SCHIP1: variants seen among roughly 807,000 people sequenced by gnomAD.
The protein encoded by SCHIP1 is schwannomin-interacting protein 1.
SCHIP1 carries 8 observed loss-of-function variants against 29.7 expected under a neutral mutation model. The observed-to-expected ratio is 0.27, with a 90% CI of 0.16 to 0.49. The LOEUF (loss-of-function observed/expected upper bound fraction) is 0.49, where lower values mean the gene tolerates loss of function less well. Among genes scored for constraint, SCHIP1 ranks in the 20% least tolerant of loss-of-function variants. The probability of loss-of-function intolerance (pLI) is 0.99; values close to 1 mark genes in which losing one functional copy is unlikely to be tolerated. For missense variants in SCHIP1, 193 were observed against 294.6 expected, an observed-to-expected ratio of 0.66 and a Z score of 2.52; for synonymous variants, 76 against 94.9, an observed-to-expected ratio of 0.80 and a Z score of 1.16.
chr3:159,423,511 G>A, the SCHIP1 span, among the ~76,000 whole-genome samples: 4 of 152,200 alleles, frequency 2.6e-5, no homozygotes, highest in Non-Finnish European at 5.9e-5. Context: ...GGGGAGGGGC[G>A]CCTGCCATTG....
the SCHIP1 span, among the ~76,000 whole-genome samples, chr3:159,511,504 A>G: frequency 3.3e-5 from 5 of 152,172 alleles, no homozygotes; most frequent in Non-Finnish European, 7.3e-5. Flanking sequence ...AGCCCCAGTG[A>G]GATGAACTCG....
At chr3:159,544,817 G>C in the SCHIP1 span, among the ~76,000 whole-genome samples, 1 of 152,038 alleles carries the variant, frequency 6.6e-6, no homozygotes, top group Admixed American at 6.6e-5. Context: ...CTTGTTAAAT[G>C]TGTCTTTAAT....
the SCHIP1 span, among the ~76,000 whole-genome samples, chr3:159,729,669 T>C: frequency 6.6e-6 from 1 of 152,168 alleles, no homozygotes; most frequent in African/African-American, 2.4e-5. Context: ...CTTGATAAAA[T>C]GAAATGGCAT....
the SCHIP1 span, among the ~76,000 whole-genome samples, chr3:159,286,663 T>A: frequency 6.6e-6 from 1 of 152,236 alleles, no homozygotes; most frequent in Non-Finnish European, 1.5e-5. Context: ...CTTTCCATAG[T>A]GGCTGAACTA....
the SCHIP1 span, among the ~76,000 whole-genome samples, chr3:159,279,799 A>T: frequency 4.1e-4 from 63 of 152,290 alleles, no homozygotes; most frequent in African/African-American, 1.5e-3. Context: ...TCAGGCTCAG[A>T]AAAAGGGAAC....
the SCHIP1 span, among the ~76,000 whole-genome samples, chr3:159,676,248 A>G: frequency 6.6e-6 from 1 of 152,202 alleles, no homozygotes; most frequent in Non-Finnish European, 1.5e-5. Flanking sequence ...AAGGAAACAG[A>G]TGGTAGGTAG....
the SCHIP1 span, among the ~76,000 whole-genome samples, chr3:159,681,667 C>A: frequency 6.6e-6 from 1 of 152,208 alleles, no homozygotes; most frequent in Non-Finnish European, 1.5e-5. Context: ...TTTACATGTT[C>A]AGGAGAGGTT....
chr3:159,796,203 G>C, the SCHIP1 span, among the ~76,000 whole-genome samples: 18 of 152,190 alleles, frequency 1.2e-4, 1 homozygote, highest in Non-Finnish European at 2.2e-4. Context: ...GTGTCTGATG[G>C]TGGTGAGAAT....
chr3:159,802,166 A>G, the SCHIP1 span, among the ~76,000 whole-genome samples: 1 of 152,230 alleles, frequency 6.6e-6, no homozygotes, highest in Non-Finnish European at 1.5e-5. Flanking sequence ...TGCATTGTCC[A>G]TATTAGCTTA....
At chr3:159,822,633 G>A in the SCHIP1 span, among the ~76,000 whole-genome samples, 1 of 143,460 alleles carries the variant, frequency 7.0e-6, no homozygotes, top group Middle Eastern at 3.2e-3. Flanking sequence ...TGGTGCAAAA[G>A]TAGATGCGGT....
chr3:159,389,772 T>C, the SCHIP1 span, among the ~76,000 whole-genome samples: 1 of 151,892 alleles, frequency 6.6e-6, no homozygotes, highest in Non-Finnish European at 1.5e-5. Flanking sequence ...TGGAGTAGAG[T>C]TGTCCATGGT....
chr3:159,888,808 T>C lies in SCHIP1; in HGVS notation c.466-12T>C. 1 of 1,613,432 alleles carries C rather than the reference T, an allele frequency of 6.2e-7. No homozygotes were observed. Among genetic ancestry groups the C allele is most frequent in the South Asian group, 1.1e-5 (1 of 90,918 alleles). On this transcript the variant is annotated splice_polypyrimidine_tract_variant and intron_variant, in intron 4 of 6. Coordinates refer to ENST00000445224, the Ensembl canonical transcript of SCHIP1. ...TGTTCACTCCTCCATTTCTTCTCCTTTGTATCTTCAGCTGCCACACATGCC... is the reference window on the plus strand; with the variant it reads ...TGTTCACTCCTCCATTTCTTCTCCTCTGTATCTTCAGCTGCCACACATGCC...
chr3:159,540,640 T>A, the SCHIP1 span, among the ~76,000 whole-genome samples: 6 of 152,142 alleles, frequency 3.9e-5, no homozygotes, highest in African/African-American at 9.7e-5. Context: ...TTTCCTTTAG[T>A]TCCTGGCAAC....
At chr3:159,750,366 GTTTTAATTTTTGTGGGTACA>G in the SCHIP1 span, among the ~76,000 whole-genome samples, 1 of 150,390 alleles carries the variant, frequency 6.6e-6, no homozygotes, top group Non-Finnish European at 1.5e-5. Context: ...TTGCTTTTCA[GTTTTAATTTTTGTGGGTACA>G]TAGTAGGGGT....
At chr3:159,697,715 A>C in the SCHIP1 span, among the ~76,000 whole-genome samples, 2 of 152,202 alleles carry the variant, frequency 1.3e-5, no homozygotes, top group Non-Finnish European at 2.9e-5. Context: ...ATAACAGATC[A>C]TAGATAGTTT....
At chr3:159,422,511 C>G in the SCHIP1 span, among the ~76,000 whole-genome samples, 1 of 152,172 alleles carries the variant, frequency 6.6e-6, no homozygotes, top group East Asian at 1.9e-4. Flanking sequence ...AAGCATGCAG[C>G]TCAGTGAATT....
the SCHIP1 span, among the ~76,000 whole-genome samples, chr3:159,688,763 T>C: frequency 3.1e-3 from 468 of 152,326 alleles, 3 homozygotes; most frequent in Middle Eastern, 0.01. Flanking sequence ...CCATCTTGAG[T>C]TGATTTTTGT....
At chr3:159,414,397 G>T in the SCHIP1 span, among the ~76,000 whole-genome samples, 5 of 152,156 alleles carry the variant, frequency 3.3e-5, no homozygotes, top group African/African-American at 1.2e-4. Context: ...GATGGAAGAG[G>T]CCAAGTAATT....
the SCHIP1 span, among the ~76,000 whole-genome samples, chr3:159,291,055 G>C: frequency 6.6e-6 from 1 of 152,084 alleles, no homozygotes; most frequent in Non-Finnish European, 1.5e-5. Flanking sequence ...TACTATTCCA[G>C]TCTGTAAAAA....
Sources: gnomAD v4.1 joint callset for allele counts (sites outside exome capture counted in the v4.1 genomes callset) on GRCh38, gnomAD v4.1.1 for gene constraint, MANE v1.5 for transcripts, NCBI Gene and HGNC (gene_info 2026-07-23, HGNC 2026-07-21) for gene names.